The following TIMM17A variants were observed in gnomAD, a reference collection of about 807,000 sequenced individuals.
The protein encoded by TIMM17A is translocase of inner mitochondrial membrane 17A, also known as mitochondrial import inner membrane translocase subunit Tim17-A.
In TIMM17A, 15 loss-of-function variants were observed where a neutral mutation model predicts 26.5. The ratio of observed to expected loss-of-function variants is 0.57; its 90% confidence interval spans 0.38 to 0.87. The LOEUF (loss-of-function observed/expected upper bound fraction) is 0.87, where lower values mean the gene tolerates loss of function less well. TIMM17A is among the 40% of genes least tolerant of loss of function. The pLI is 0.00. For missense variants in TIMM17A, 201 were observed against 210.0 expected, an observed-to-expected ratio of 0.96 and a Z score of 0.27; for synonymous variants, 80 against 70.8, an observed-to-expected ratio of 1.13 and a Z score of -0.66.
intron 4 of TIMM17A, 112 bp downstream of exon 4, chr1:201,963,856 T>TGA: frequency 8.3e-7 from 1 of 1,205,458 alleles, no homozygotes; most frequent in Non-Finnish European, 1.1e-6. Context: ...CCAGGCACAT[T>TGA]GGCTCATGAC....
At chr1:201,965,223 T>G (rs567889244) in intron 4 of TIMM17A, among the ~76,000 whole-genome samples, 14 of 152,314 alleles carry the variant, frequency 9.2e-5, no homozygotes, top group Admixed American at 3.3e-4. Context: ...GTGCTGGGAT[T>G]TATGGCCTTT....
At chr1:201,967,824 A>G (rs1682663193) in intron 5 of TIMM17A, among the ~76,000 whole-genome samples, 1 of 151,920 alleles carries the variant, frequency 6.6e-6, no homozygotes, top group South Asian at 2.1e-4. Context: ...GGGGTGAGCC[A>G]CCGTGCCCAG....
At chr1:201,957,490 G>C in intron 2 of TIMM17A, 21 bp from the exon 3 acceptor site, 8 of 1,609,706 alleles carry the variant, frequency 5.0e-6, no homozygotes, top group Non-Finnish European at 6.8e-6. Flanking sequence ...ATTTTTTGTT[G>C]CTTCCTTTTT....
intron 3 of TIMM17A, among the ~76,000 whole-genome samples, chr1:201,960,314 C>T (rs941034228): frequency 6.6e-6 from 1 of 151,750 alleles, no homozygotes; most frequent in Non-Finnish European, 1.5e-5. Context: ...GGAGAAGAAT[C>T]GCTTGAGCCC....
chr1:201,955,897 G>A (rs1468832888), intron 1 of TIMM17A, among the ~76,000 whole-genome samples: 1 of 152,216 alleles, frequency 6.6e-6, no homozygotes, highest in African/African-American at 2.4e-5. Flanking sequence ...TGTTCGTCGA[G>A]GTGACCTTGG....
intron 5 of TIMM17A, among the ~76,000 whole-genome samples, chr1:201,966,349 G>A (rs1020373098): frequency 6.6e-6 from 1 of 151,814 alleles, no homozygotes; most frequent in Non-Finnish European, 1.5e-5. Context: ...TCGATGGAGC[G>A]AGACTCTGTC....
At chr1:201,967,417 A>ATTCAG (rs1367506472) in intron 5 of TIMM17A, among the ~76,000 whole-genome samples, 1 of 152,188 alleles carries the variant, frequency 6.6e-6, no homozygotes, top group African/African-American at 2.4e-5. Context: ...ATTCACAGAA[A>ATTCAG]TTCAGAAATG....
chr1:201,958,854 T>A (rs1682474082), intron 3 of TIMM17A, among the ~76,000 whole-genome samples: 1 of 152,232 alleles, frequency 6.6e-6, no homozygotes, highest in Non-Finnish European at 1.5e-5. Context: ...AAGAAGTTAG[T>A]ACTATTATTA....
chr1:201,959,215 G>A (rs1682478184), intron 3 of TIMM17A, among the ~76,000 whole-genome samples: 1 of 152,202 alleles, frequency 6.6e-6, no homozygotes, highest in South Asian at 2.1e-4. Context: ...TATTAGCTGG[G>A]CCCGGTGGTG....
At chr1:201,966,356 T>G (rs1682625839) in intron 5 of TIMM17A, among the ~76,000 whole-genome samples, 1 of 151,838 alleles carries the variant, frequency 6.6e-6, no homozygotes, top group South Asian at 2.1e-4. Flanking sequence ...AGCGAGACTC[T>G]GTCTCAAAAT....
In TIMM17A at chr1:201,965,437, A is replaced by C. The variant is rs577676889; in HGVS notation, c.324A>C (p.Gly108=). The C allele has an allele frequency of 4.2e-5, 68 of 1,603,820 alleles. No homozygotes were observed. The African/African-American group carries it at 8.0e-4, about 19-fold the overall frequency. The part of the protein sequence containing the change: ...LTGAILAARN[G]PVAMVGSAAM... ...CTTTGTTATTAATGTCTTCAGATGG[A>C]CCAGTGGCCATGGTTGGGTCAGCCG... is the stretch of plus-strand genomic sequence containing the variant. The change falls in exon 5 of 6, where the codon GGA becomes GGC. Residue 108 remains glycine, a synonymous_variant. Coordinates refer to ENST00000367287, the MANE Select transcript of TIMM17A (RefSeq NM_006335.3).
At chr1:201,962,650 G>A (rs1008201367) in intron 3 of TIMM17A, 2 of 152,158 alleles carry the variant, frequency 1.3e-5, no homozygotes, top group African/African-American at 4.8e-5. Flanking sequence ...GCACCTGGCT[G>A]TTTTTGTATT....
At chr1:201,968,512 C>G (rs1305122855) in intron 5 of TIMM17A, among the ~76,000 whole-genome samples, 3 of 151,648 alleles carry the variant, frequency 2.0e-5, no homozygotes, top group Non-Finnish European at 4.4e-5. Context: ...CCTGCCTCAG[C>G]TCCTGAGTAG....
chr1:201,955,582 C>G (rs568335286), intron 1 of TIMM17A, 30 bp downstream of exon 1: 1 of 1,614,208 alleles, frequency 6.2e-7, no homozygotes, highest in Non-Finnish European at 8.5e-7. Flanking sequence ...TTGCATTTCT[C>G]TTGCCCCCCT....
chr1:201,959,447 A>G (rs918384740), intron 3 of TIMM17A, among the ~76,000 whole-genome samples: 8 of 152,042 alleles, frequency 5.3e-5, no homozygotes, highest in Non-Finnish European at 1.2e-4. Flanking sequence ...CGAGGTCAGG[A>G]GTTTGAGACC....
At chr1:201,958,919 A>G (rs1270795079) in intron 3 of TIMM17A, among the ~76,000 whole-genome samples, 2 of 152,206 alleles carry the variant, frequency 1.3e-5, no homozygotes, top group Admixed American at 1.3e-4. Flanking sequence ...GTAATGTTGT[A>G]TCTTTTTCCT....
At chr1:201,966,991 T>TGTGTGTGTGTGTG (rs1491350132) in intron 5 of TIMM17A, among the ~76,000 whole-genome samples, 4 of 133,098 alleles carry the variant, frequency 3.0e-5, no homozygotes, top group South Asian at 4.8e-4. Flanking sequence ...ATTATATATG[T>TGTGTGTGTGTGTG]TGTGTGTGTG....
Position 201,957,546 on chromosome 1 carries a change from T to A in TIMM17A, c.162T>A (p.Ala54=), listed in dbSNP as rs1398816272. The A allele has an allele frequency of 6.2e-7, 1 of 1,613,632 alleles. No individual in the cohort carries two copies. Among genetic ancestry groups the A allele is most frequent in the African/African-American group, 1.3e-5 (1 of 74,914 alleles). The stretch of plus-strand genomic sequence containing the variant: ...ACAGACTACGAGGGAGTTTGACAGC[T>A]ATTAAAACCAGGGCTCCACAGTTAG... ...VNHRLRGSLT[A]IKTRAPQLGG... is the part of the protein sequence containing the mutation. Residue 54 remains alanine, a synonymous_variant, in exon 3 of 6, where the codon GCT becomes GCA. Coordinates refer to ENST00000367287, the MANE Select transcript of TIMM17A (RefSeq NM_006335.3).
At chr1:201,966,785 T>G (rs1682633676) in intron 5 of TIMM17A, among the ~76,000 whole-genome samples, 1 of 149,172 alleles carries the variant, frequency 6.7e-6, no homozygotes, top group African/African-American at 2.5e-5. Flanking sequence ...GAGATTGCAG[T>G]GAGCTGAGAT....
Sources: gnomAD v4.1 joint callset for allele counts (sites outside exome capture counted in the v4.1 genomes callset) on GRCh38, gnomAD v4.1.1 for gene constraint, MANE v1.5 for transcripts, NCBI Gene and HGNC (gene_info 2026-07-23, HGNC 2026-07-21) for gene names.